The following ODAD2 variants were observed in gnomAD, a reference collection of about 807,000 sequenced individuals.
ODAD2 encodes outer dynein arm-docking complex subunit 2.
A neutral mutation model predicts 106.8 loss-of-function variants in ODAD2; 89 were observed. The observed-to-expected ratio is 0.83, with a 90% CI of 0.70 to 0.99. The LOEUF (loss-of-function observed/expected upper bound fraction) is 0.99, where lower values mean the gene tolerates loss of function less well. ODAD2 is among the 50% of genes least tolerant of loss of function. ODAD2 has a pLI of 0.00. For missense variants in ODAD2, 1,168 were observed against 1,238.5 expected (o/e 0.94, Z 0.85); for synonymous variants, 404 against 436.2 (o/e 0.93, Z 0.92).
chr10:27,893,052 G>A (rs11816757), intron 17 of ODAD2, among the ~76,000 whole-genome samples: 100,601 of 151,868 alleles, frequency 0.66, 33,659 homozygotes, highest in Middle Eastern at 0.74. Flanking sequence ...CCAGCTACTC[G>A]GGAGGCTGAG....
At chr10:27,909,777 C>A (rs752029987) in intron 16 of ODAD2, among the ~76,000 whole-genome samples, 4 of 133,078 alleles carry the variant, frequency 3.0e-5, no homozygotes, top group Non-Finnish European at 3.1e-5. Context: ...GAGATTGCAC[C>A]ACTGCACTCC....
intron 16 of ODAD2, among the ~76,000 whole-genome samples, chr10:27,930,626 CAAA>C (rs60344337): frequency 2.2e-5 from 2 of 92,124 alleles, no homozygotes; most frequent in Non-Finnish European, 2.3e-5. Context: ...GACTCTGTCT[CAAA>C]AAAAAAAAAA....
intron 2 of ODAD2, among the ~76,000 whole-genome samples, chr10:27,993,972 A>ATATG (rs1554826293): frequency 9.8e-5 from 9 of 92,184 alleles, no homozygotes; most frequent in African/African-American, 2.5e-4. Context: ...ATATATATAT[A>ATATG]TATGTGTGTG....
intron 16 of ODAD2, among the ~76,000 whole-genome samples, chr10:27,914,542 T>C (rs1461627813): frequency 6.6e-6 from 1 of 152,136 alleles, no homozygotes; most frequent in East Asian, 1.9e-4. Flanking sequence ...TTTCTTTCAT[T>C]AACTAGAGCT....
At chr10:27,966,877 T>C (rs1848519754) in intron 9 of ODAD2, among the ~76,000 whole-genome samples, 1 of 150,418 alleles carries the variant, frequency 6.6e-6, no homozygotes. Context: ...ATATTGTATA[T>C]AAAACAAACA....
Sources: gnomAD v4.1 joint callset for allele counts (sites outside exome capture counted in the v4.1 genomes callset) on GRCh38, gnomAD v4.1.1 for gene constraint, MANE v1.5 for transcripts, NCBI Gene and HGNC (gene_info 2026-07-23, HGNC 2026-07-21) for gene names.